Variants in AFG2A observed in about 807,000 individuals in gnomAD.
AFG2A encodes AAA ATPase AFG2A.
the AFG2A span, among the ~76,000 whole-genome samples, chr4:122,926,820 T>G: frequency 6.6e-6 from 1 of 152,236 alleles, no homozygotes; most frequent in Non-Finnish European, 1.5e-5. Context: ...CTATTTATTG[T>G]GCAACTGCTA....
the AFG2A span, among the ~76,000 whole-genome samples, chr4:123,231,713 T>A: frequency 6.6e-6 from 1 of 151,986 alleles, no homozygotes; most frequent in South Asian, 2.1e-4. Flanking sequence ...TAGCTTTTTA[T>A]GTAAAGTGAG....
chr4:123,250,241 T>C, the AFG2A span, among the ~76,000 whole-genome samples: 4 of 152,216 alleles, frequency 2.6e-5, no homozygotes, highest in Admixed American at 2.6e-4. Context: ...GGCAGCCTTA[T>C]AATTGTGGTA....
chr4:122,955,633 CAGTT>C, the AFG2A span, among the ~76,000 whole-genome samples: 15 of 148,126 alleles, frequency 1.0e-4, no homozygotes, highest in African/African-American at 3.5e-4. Flanking sequence ...GAAGGAAAAA[CAGTT>C]AGGAAAAGAA....
chr4:123,009,932 CT>C, the AFG2A span, among the ~76,000 whole-genome samples: 1 of 152,112 alleles, frequency 6.6e-6, no homozygotes, highest in South Asian at 2.1e-4. Flanking sequence ...CTTTTCTTAT[CT>C]GATAACTTTT....
At chr4:123,168,744 T>G in the AFG2A span, among the ~76,000 whole-genome samples, 2 of 152,236 alleles carry the variant, frequency 1.3e-5, no homozygotes, top group African/African-American at 2.4e-5. Context: ...AAAGATTATT[T>G]TGTTGTATAC....
chr4:123,099,597 G>A, the AFG2A span, among the ~76,000 whole-genome samples: 3 of 151,200 alleles, frequency 2.0e-5, no homozygotes, highest in East Asian at 1.9e-4. Context: ...ATTATAAGTC[G>A]TATTTGAGTA....
the AFG2A span, among the ~76,000 whole-genome samples, chr4:123,301,140 A>T: frequency 6.6e-6 from 1 of 152,172 alleles, no homozygotes; most frequent in African/African-American, 2.4e-5. Context: ...AACCTTCGCT[A>T]TAGAAAAATA....
chr4:123,088,003 T>A, the AFG2A span, among the ~76,000 whole-genome samples: 1 of 152,222 alleles, frequency 6.6e-6, no homozygotes. Flanking sequence ...AACACAAATC[T>A]GATTAGGTCA....
the AFG2A span, among the ~76,000 whole-genome samples, chr4:123,283,942 GAC>G: frequency 4.6e-5 from 7 of 151,984 alleles, no homozygotes; most frequent in African/African-American, 1.7e-4. Context: ...CCTCTGCACC[GAC>G]ACACATATTC....
chr4:123,007,633 CACACACACA>C, the AFG2A span, among the ~76,000 whole-genome samples: 1 of 31,448 alleles, frequency 3.2e-5, no homozygotes. Context: ...TATATATACA[CACACACACA>C]ACACACACAC....
At chr4:123,256,879 T>C in the AFG2A span, 1 of 979,438 alleles carries the variant, frequency 1.0e-6, no homozygotes, top group Non-Finnish European at 1.2e-6. Context: ...GAAATAATTC[T>C]GCAACTTTTC....
At chr4:123,028,178 T>C in the AFG2A span, 5 of 1,608,706 alleles carry the variant, frequency 3.1e-6, no homozygotes, top group East Asian at 1.1e-4. Context: ...AAATGTTCTA[T>C]TTTTCAGGTA....
the AFG2A span, among the ~76,000 whole-genome samples, chr4:122,970,247 A>G: frequency 1.3e-5 from 2 of 152,274 alleles, no homozygotes; most frequent in East Asian, 3.9e-4. Flanking sequence ...TTCTATGTTT[A>G]GATACACAAA....
the AFG2A span, among the ~76,000 whole-genome samples, chr4:123,150,832 C>T: frequency 1.3e-5 from 2 of 152,076 alleles, no homozygotes; most frequent in African/African-American, 4.8e-5. Flanking sequence ...GCAAAAAGAA[C>T]AAAGCTGGAG....
the AFG2A span, among the ~76,000 whole-genome samples, chr4:123,308,711 A>G: frequency 6.6e-6 from 1 of 152,230 alleles, no homozygotes; most frequent in Non-Finnish European, 1.5e-5. Flanking sequence ...TCTAGATCAT[A>G]TGAAACATAA....
the AFG2A span, among the ~76,000 whole-genome samples, chr4:123,029,845 C>T: frequency 6.6e-6 from 1 of 152,036 alleles, no homozygotes; most frequent in African/African-American, 2.4e-5. Flanking sequence ...ACTGTGTTGC[C>T]CAGGCTGGTC....
chr4:123,036,513 A>G, the AFG2A span, among the ~76,000 whole-genome samples: 2 of 152,132 alleles, frequency 1.3e-5, no homozygotes, highest in South Asian at 4.1e-4. Context: ...AAATATGGAA[A>G]TTGAGATGAA....
At chr4:123,042,118 A>G in the AFG2A span, among the ~76,000 whole-genome samples, 10 of 152,272 alleles carry the variant, frequency 6.6e-5, no homozygotes, top group South Asian at 1.2e-3. Flanking sequence ...TCATATTTCA[A>G]TATTTTTGAA....
chr4:123,317,757 ATAAT>A, the AFG2A span: 1 of 152,268 alleles, frequency 6.6e-6, no homozygotes, highest in Non-Finnish European at 1.5e-5. Flanking sequence ...GCAATAAAAA[ATAAT>A]TAGAGCTACA....
Sources: gnomAD v4.1 joint callset for allele counts (sites outside exome capture counted in the v4.1 genomes callset) on GRCh38, gnomAD v4.1.1 for gene constraint, MANE v1.5 for transcripts, NCBI Gene and HGNC (gene_info 2026-07-23, HGNC 2026-07-21) for gene names.